SGCZ: variants seen among roughly 807,000 people sequenced by gnomAD.
SGCZ encodes the protein zeta-sarcoglycan.
A neutral mutation model predicts 41.3 loss-of-function variants in SGCZ; 40 were observed. That is an observed-to-expected ratio of 0.97 (90% CI 0.75 to 1.26). The LOEUF (loss-of-function observed/expected upper bound fraction) is 1.26. Among genes scored for constraint, SGCZ ranks in the 50% most tolerant of loss-of-function variants. The pLI is 0.00. For synonymous variants in SGCZ, 206 were observed against 137.5 expected (o/e 1.50, Z -3.49); for missense variants, 552 against 369.8 (o/e 1.49, Z -4.04).
intron 2 of SGCZ, among the ~76,000 whole-genome samples, chr8:14,471,751 AT>A (rs1801218680): frequency 6.6e-6 from 1 of 152,134 alleles, no homozygotes; most frequent in Admixed American, 6.5e-5. Flanking sequence ...ACAGCACTGA[AT>A]TTAAGAAATC....
At chr8:15,188,441 G>T (rs1363872700) in intron 1 of SGCZ, among the ~76,000 whole-genome samples, 1 of 152,142 alleles carries the variant, frequency 6.6e-6, no homozygotes, top group Non-Finnish European at 1.5e-5. Context: ...AGATGCTAGT[G>T]TAAGAAATCA....
intron 3 of SGCZ, among the ~76,000 whole-genome samples, chr8:14,315,380 GC>G (rs756145164): frequency 1.3e-5 from 2 of 152,030 alleles, no homozygotes; most frequent in South Asian, 2.1e-4. Context: ...AACAGACATG[GC>G]CCCTGGGTTA....
intron 7 of SGCZ, among the ~76,000 whole-genome samples, chr8:14,092,031 C>T (rs1237009692): frequency 2.6e-5 from 4 of 152,078 alleles, no homozygotes; most frequent in Non-Finnish European, 4.4e-5. Context: ...CAGCTTTCTG[C>T]GTATGGCTAG....
intron 1 of SGCZ, among the ~76,000 whole-genome samples, chr8:15,212,998 C>G (rs1426998484): frequency 1.3e-5 from 2 of 151,914 alleles, no homozygotes; most frequent in Non-Finnish European, 2.9e-5. Context: ...AAACAAAATT[C>G]TAATGAATGA....
chr8:14,675,948 G>A (rs986114117), intron 1 of SGCZ, among the ~76,000 whole-genome samples: 4 of 152,274 alleles, frequency 2.6e-5, no homozygotes, highest in Non-Finnish European at 2.9e-5. Context: ...CAGAATAGCA[G>A]ATAGATGGAA....
At chr8:14,920,433 A>T (rs1338906377) in intron 1 of SGCZ, among the ~76,000 whole-genome samples, 1 of 152,214 alleles carries the variant, frequency 6.6e-6, no homozygotes, top group Non-Finnish European at 1.5e-5. Context: ...CAAAGACTGC[A>T]TTTAAAGGGA....
chr8:14,103,886 G>C (rs1802118107), intron 6 of SGCZ, among the ~76,000 whole-genome samples: 2 of 152,100 alleles, frequency 1.3e-5, no homozygotes, highest in African/African-American at 4.8e-5. Flanking sequence ...TTTACGCACA[G>C]TATCTAAATG....
chr8:14,779,297 A>C lies in SGCZ; in HGVS notation c.40-224371T>G, dbSNP rs760888956. Among the ~76,000 whole-genome samples the C allele has an allele frequency of 4.8e-4, 73 of 152,222 alleles. 1 individual carries two copies. The highest frequency in any genetic ancestry group is 7.1e-4 in the Non-Finnish European group (48 of 68,040). On this transcript the variant is annotated intron_variant, in intron 1 of 7. Coordinates refer to ENST00000382080, the MANE Select transcript of SGCZ (RefSeq NM_139167.4). Reference sequence around the variant, plus strand: ...TGATTAACTTGCACTGCGGCAAATCAGTTGCCATGTTATGAGAACACTCAA... The same window carrying C: ...TGATTAACTTGCACTGCGGCAAATCCGTTGCCATGTTATGAGAACACTCAA...
At chr8:14,244,841 T>C (rs1799027566) in intron 3 of SGCZ, among the ~76,000 whole-genome samples, 1 of 152,172 alleles carries the variant, frequency 6.6e-6, no homozygotes, top group Admixed American at 6.5e-5. Context: ...AGGTATTTTA[T>C]TCTCTTTGAA....
At chr8:14,603,345 G>A (rs888621721) in intron 1 of SGCZ, among the ~76,000 whole-genome samples, 1 of 152,012 alleles carries the variant, frequency 6.6e-6, no homozygotes, top group Non-Finnish European at 1.5e-5. Flanking sequence ...TAAGTCATTT[G>A]AGCATGTCTC....
intron 1 of SGCZ, among the ~76,000 whole-genome samples, chr8:14,921,269 G>C (rs772355934): frequency 1.3e-5 from 2 of 152,088 alleles, no homozygotes; most frequent in African/African-American, 4.8e-5. Context: ...GACCTAAAAT[G>C]ATCTATGAGG....
intron 2 of SGCZ, among the ~76,000 whole-genome samples, chr8:14,543,458 G>C (rs1012962789): frequency 3.3e-5 from 5 of 152,052 alleles, no homozygotes; most frequent in Admixed American, 6.6e-5. Context: ...AGTCTAGACA[G>C]CCTCCATCAT....
intron 1 of SGCZ, chr8:14,690,761 G>A (rs1808773615): frequency 6.6e-6 from 1 of 151,978 alleles, no homozygotes; most frequent in Admixed American, 6.6e-5. Context: ...AACAATTACT[G>A]ACCTTCCCCA....
chr8:15,149,222 C>T (rs1799114622), intron 1 of SGCZ, among the ~76,000 whole-genome samples: 1 of 151,932 alleles, frequency 6.6e-6, no homozygotes, highest in African/African-American at 2.4e-5. Flanking sequence ...AACATTATCC[C>T]ATTAAATCCT....
At chr8:14,626,193 G>A (rs537931283) in intron 1 of SGCZ, among the ~76,000 whole-genome samples, 1 of 151,432 alleles carries the variant, frequency 6.6e-6, no homozygotes, top group African/African-American at 2.4e-5. Context: ...GTGCACAATG[G>A]GCAGGTTTGT....
chr8:14,665,831 GAAATT>G (rs1563188854), intron 1 of SGCZ, among the ~76,000 whole-genome samples: 1 of 152,114 alleles, frequency 6.6e-6, no homozygotes, highest in Non-Finnish European at 1.5e-5. Flanking sequence ...TGGTCATTCT[GAAATT>G]AAATACGAGA....
intron 1 of SGCZ, among the ~76,000 whole-genome samples, chr8:15,024,617 C>G (rs936044909): frequency 3.9e-5 from 6 of 152,042 alleles, no homozygotes; most frequent in Admixed American, 6.6e-5. Context: ...CCAGGTTACC[C>G]TCGTTAGCAG....
At chr8:14,726,311 C>CATATATATATATATATATATATCT (rs1202306930) in intron 1 of SGCZ, among the ~76,000 whole-genome samples, 1 of 107,674 alleles carries the variant, frequency 9.3e-6, no homozygotes, top group African/African-American at 3.6e-5. Context: ...TGTGTAAATA[C>CATATATATATATATATATATATCT]ATATATATAT....
intron 2 of SGCZ, among the ~76,000 whole-genome samples, chr8:14,428,023 G>T (rs539353160): frequency 6.6e-6 from 1 of 151,722 alleles, no homozygotes; most frequent in East Asian, 1.9e-4. Context: ...TCATATCAGC[G>T]ATTTGAGCAT....
Sources: allele counts gnomAD v4.1 joint callset (sites outside exome capture counted in the v4.1 genomes callset), GRCh38; gene constraint gnomAD v4.1.1; transcripts MANE v1.5; gene names NCBI Gene and HGNC (gene_info 2026-07-23, HGNC 2026-07-21).